Variants in DHTKD1 observed in about 807,000 individuals in gnomAD.
The protein encoded by DHTKD1 is dehydrogenase E1 and transketolase domain containing 1, also known as 2-oxoadipate dehydrogenase complex component E1.
In DHTKD1, 78 loss-of-function variants were observed where a neutral mutation model predicts 101.8. The ratio of observed to expected loss-of-function variants is 0.77; its 90% confidence interval spans 0.64 to 0.93. The LOEUF is 0.93. Among genes scored for constraint, DHTKD1 ranks in the 40% least tolerant of loss-of-function variants. The pLI, the probability that DHTKD1 is intolerant of heterozygous loss-of-function variation, is 0.00. For synonymous variants in DHTKD1, 462 were observed against 450.3 expected (o/e 1.03, Z -0.33); for missense variants, 1,223 against 1,161.7 (o/e 1.05, Z -0.77).
intron 3 of DHTKD1, among the ~76,000 whole-genome samples, chr10:12,086,968 T>G (rs1054986962): frequency 7.9e-5 from 12 of 152,274 alleles, no homozygotes; most frequent in African/African-American, 2.6e-4. Flanking sequence ...ATTACAGACG[T>G]GAACCACCAT....
chr10:12,108,575 TGGCTG>T (rs1217360556), intron 12 of DHTKD1, among the ~76,000 whole-genome samples: 5 of 152,176 alleles, frequency 3.3e-5, no homozygotes, highest in Non-Finnish European at 5.9e-5. Context: ...CCACCAACCC[TGGCTG>T]GTTATTAAAA....
intron 1 of DHTKD1, among the ~76,000 whole-genome samples, chr10:12,069,845 C>G (rs1832628726): frequency 6.6e-6 from 1 of 151,812 alleles, no homozygotes; most frequent in African/African-American, 2.4e-5. Context: ...GCCTAGAAAA[C>G]CAGCTCTTTA....
chr10:12,104,689 G>A (rs1833218713), intron 10 of DHTKD1, among the ~76,000 whole-genome samples: 1 of 152,050 alleles, frequency 6.6e-6, no homozygotes, highest in South Asian at 2.1e-4. Context: ...GACCTCCTGT[G>A]TCCAAGTGAT....
intron 1 of DHTKD1, among the ~76,000 whole-genome samples, chr10:12,080,822 T>A (rs1832804572): frequency 6.6e-6 from 1 of 151,946 alleles, no homozygotes; most frequent in African/African-American, 2.4e-5. Flanking sequence ...CTTGGCCTTC[T>A]TTGAGAGGCC....
Position 12,089,044 on chromosome 10 carries a change from G to A in DHTKD1, c.776G>A (p.Gly259Glu). 1 of 1,613,982 alleles carries A rather than the reference G, an allele frequency of 6.2e-7. No homozygotes were observed. The highest frequency in any genetic ancestry group is 8.5e-7 in the Non-Finnish European group (1 of 1,179,894). ...SEFPENFSAT[G>E]DVLSHLTSSV... Reference sequence around the variant, plus strand: ...TTTCCAGAGAATTTCTCAGCCACTGGAGACGTCCTGTCTCACCTGACCTCC... The same window carrying A: ...TTTCCAGAGAATTTCTCAGCCACTGAAGACGTCCTGTCTCACCTGACCTCC... Residue 259 changes from glycine (G) to glutamate (E), a missense_variant, in exon 5 of 17, where the codon GGA becomes GAA. Gly to Glu is a moderately conservative substitution (Grantham distance 98, BLOSUM62 -2). Coordinates refer to ENST00000263035, the MANE Select transcript of DHTKD1 (RefSeq NM_018706.7).
chr10:12,114,539 A>T (rs1833383832), intron 13 of DHTKD1, among the ~76,000 whole-genome samples: 3 of 152,000 alleles, frequency 2.0e-5, no homozygotes, highest in African/African-American at 7.2e-5. Flanking sequence ...CATGTGATCC[A>T]CCTGCCTTGG....
Position 12,122,174 on chromosome 10 carries a change from C to T in DHTKD1, c.*1286C>T, listed in dbSNP as rs116642468. The T allele has an allele frequency of 3.7e-4, 56 of 152,160 alleles. 1 individual carries two copies. The highest frequency in any genetic ancestry group is 1.1e-3 in the African/African-American group (44 of 41,530). 9.4% of individuals were successfully genotyped at this position (152,160 alleles called of 1,614,324 possible). A position where few individuals can be genotyped will look rare whatever the true frequency, so the allele number is the denominator to read the frequency against. On this transcript the variant is annotated 3_prime_UTR_variant, in exon 17 of 17. Coordinates refer to ENST00000263035, the MANE Select transcript of DHTKD1 (RefSeq NM_018706.7). ...GAAATTGATTTGTAGTCTGTTTTGC[C>T]GTAAACTTGTTTTTCTTTAAATTGT...
Position 12,087,847 on chromosome 10 carries a change from C to T in DHTKD1, c.717+118C>T, listed in dbSNP as rs551066232. ...ATGGTGATGGCCGGGCACTGTGGCT[C>T]ACACCTGCAATCCCAGCCTGTTGGG... On this transcript the variant is annotated intron_variant, in intron 4 of 16. Transcript: ENST00000263035. The surrounding 1 kb of genome is among the most constrained non-coding windows in gnomAD (Gnocchi z 5.2). The T allele has an allele frequency of 1.1e-6, 1 of 894,284 alleles. No homozygotes were observed. Among genetic ancestry groups the T allele is most frequent in the South Asian group, 2.1e-5 (1 of 47,654 alleles). The allele number at this position is 894,284 out of a possible 1,614,324, so 55.4% of individuals were successfully genotyped here. A position where few individuals can be genotyped will look rare whatever the true frequency, so the allele number is the denominator to read the frequency against.
intron 1 of DHTKD1, among the ~76,000 whole-genome samples, chr10:12,075,441 C>T (rs138883494): frequency 8.5e-5 from 13 of 152,126 alleles, no homozygotes; most frequent in East Asian, 3.9e-4. Flanking sequence ...GGGGTTTCAG[C>T]GTGTTAGCCA....
chr10:12,118,841 T>A lies in DHTKD1; in HGVS notation c.2495T>A (p.Ile832Asn), dbSNP rs746665026. The A allele has an allele frequency of 6.2e-7, 1 of 1,608,858 alleles. No homozygotes were observed. Among genetic ancestry groups the A allele is most frequent in the East Asian group, 2.3e-5 (1 of 44,334 alleles). Reference sequence around the variant, plus strand: ...GGGGCCAAGAAGCATGACTTTGCCATCATCCGAGTAGAGGAACTCTGCCCC... The same window carrying A: ...GGGGCCAAGAAGCATGACTTTGCCAACATCCGAGTAGAGGAACTCTGCCCC... ...SLGAKKHDFA[I>N]IRVEELCPFP... Residue 832 changes from isoleucine to asparagine, a missense_variant, in exon 15 of 17, where the codon ATC becomes AAC. Transcript: ENST00000263035.
chr10:12,075,378 T>G (rs933694664), intron 1 of DHTKD1, among the ~76,000 whole-genome samples: 10 of 152,102 alleles, frequency 6.6e-5, no homozygotes, highest in Non-Finnish European at 1.5e-4. Context: ...TTTGGTTTTG[T>G]TTTTCTGAGA....
chr10:12,120,395 G>T (rs1432623613), intron 16 of DHTKD1, 128 bp downstream of exon 16: 1 of 741,986 alleles, frequency 1.3e-6, no homozygotes, highest in Non-Finnish European at 2.2e-6. Context: ...GTGCAGTGGC[G>T]CAATCTCAGC....
intron 13 of DHTKD1, among the ~76,000 whole-genome samples, chr10:12,114,037 T>C (rs1429099965): frequency 6.7e-6 from 1 of 149,476 alleles, no homozygotes; most frequent in Non-Finnish European, 1.5e-5. Flanking sequence ...TGTCATTCTT[T>C]TTTTTTTTTT....
chr10:12,080,951 C>T (rs1193452541), intron 1 of DHTKD1, among the ~76,000 whole-genome samples: 1 of 151,658 alleles, frequency 6.6e-6, no homozygotes, highest in African/African-American at 2.4e-5. Context: ...CCTGTAGTCT[C>T]AGCTACTCGG....
intron 12 of DHTKD1, among the ~76,000 whole-genome samples, chr10:12,112,349 C>T (rs961047639): frequency 2.0e-5 from 3 of 152,058 alleles, no homozygotes; most frequent in Middle Eastern, 3.2e-3. Context: ...TTTGTCAACT[C>T]TCTTTCTTTC....
At chr10:12,072,947 G>C (rs956119968) in intron 1 of DHTKD1, among the ~76,000 whole-genome samples, 4 of 151,996 alleles carry the variant, frequency 2.6e-5, no homozygotes, top group African/African-American at 9.7e-5. Flanking sequence ...TGTTGGTCAG[G>C]CTGGTCTCGA....
At chr10:12,118,670 C>CCG in intron 14 of DHTKD1, 79 bp from the exon 15 acceptor site, 2 of 1,262,664 alleles carry the variant, frequency 1.6e-6, no homozygotes, top group Admixed American at 2.8e-5. Context: ...GCGTGAGCTA[C>CCG]TGCACCTGGC....
chr10:12,088,724 C>T (rs891984020), intron 4 of DHTKD1, among the ~76,000 whole-genome samples: 4 of 151,950 alleles, frequency 2.6e-5, no homozygotes, highest in African/African-American at 4.8e-5. Context: ...GCTGGGATTA[C>T]AGGTACCTGC....
At position 12,084,713 on chromosome 10, in the gene DHTKD1, G is replaced by A; in HGVS notation, c.484G>A (p.Glu162Lys). The A allele has an allele frequency of 6.2e-7, 1 of 1,614,114 alleles. No individual in the cohort carries two copies. The highest frequency in any genetic ancestry group is 2.2e-5 in the East Asian group (1 of 44,878). Reference protein sequence around the residue: ...ELQKETFTTEERKHLSKLMLE... With the variant: ...ELQKETFTTEKRKHLSKLMLE... ...GCAAAAGGAGACGTTTACCACAGAA[G>A]AGCGAAAACATCTGTCGAAACTAAT... Residue 162 changes from glutamate to lysine, a missense_variant, in exon 3 of 17, where the codon GAG (glutamate) becomes AAG (lysine). Physicochemically the swap from Glu to Lys is moderately conservative, Grantham distance 56. Transcript: ENST00000263035.
Sources: gnomAD v4.1 joint callset for allele counts (sites outside exome capture counted in the v4.1 genomes callset) on GRCh38, gnomAD v4.1.1 for gene constraint, Gnocchi (gnomAD v3.1) non-coding constraint, MANE v1.5 for transcripts, NCBI Gene and HGNC (gene_info 2026-07-23, HGNC 2026-07-21) for gene names.